The following SESN1 variants were observed in gnomAD, a reference collection of about 807,000 sequenced individuals.
The protein encoded by SESN1 is sestrin 1.
SESN1 carries 30 observed loss-of-function variants against 59.3 expected under a neutral mutation model. That is an observed-to-expected ratio of 0.51 (90% CI 0.38 to 0.69). The LOEUF (loss-of-function observed/expected upper bound fraction) is 0.69, where lower values mean the gene tolerates loss of function less well. Among genes scored for constraint, SESN1 ranks in the 30% least tolerant of loss-of-function variants. The pLI is 0.00. For missense variants in SESN1, 566 were observed against 673.0 expected, an observed-to-expected ratio of 0.84 and a Z score of 1.76; for synonymous variants, 197 against 219.9, an observed-to-expected ratio of 0.90 and a Z score of 0.92.
chr6:108,995,305 T>C (rs1315676851), intron 5 of SESN1, among the ~76,000 whole-genome samples: 1 of 152,238 alleles, frequency 6.6e-6, no homozygotes, highest in Non-Finnish European at 1.5e-5. Flanking sequence ...TTGCATCAAC[T>C]GTGTACACTG....
At chr6:109,082,457 T>C (rs1236193920) in intron 1 of SESN1, among the ~76,000 whole-genome samples, 1 of 152,224 alleles carries the variant, frequency 6.6e-6, no homozygotes, top group African/African-American at 2.4e-5. Context: ...GAGCAGGACT[T>C]AAACCCGGTC....
chr6:109,050,401 A>G (rs1489933678), intron 1 of SESN1, among the ~76,000 whole-genome samples: 1 of 152,116 alleles, frequency 6.6e-6, no homozygotes, highest in Non-Finnish European at 1.5e-5. Flanking sequence ...AAAAAAAAAA[A>G]AAAAGTCATT....
chr6:109,090,707 T>C (rs1485740637), intron 1 of SESN1: 1 of 151,778 alleles, frequency 6.6e-6, no homozygotes, highest in Admixed American at 6.6e-5. Flanking sequence ...ATCTCAGGGG[T>C]GATAGAGGTG....
At chr6:109,012,483 G>A (rs1779875474) in intron 1 of SESN1, among the ~76,000 whole-genome samples, 1 of 152,146 alleles carries the variant, frequency 6.6e-6, no homozygotes, top group Non-Finnish European at 1.5e-5. Flanking sequence ...TGAAGAGCAA[G>A]CTGATAATCT....
rs1461443399 is a variant in SESN1, at chr6:109,083,038, A to G, written c.279+10757T>C. On this transcript the variant is annotated intron_variant, in intron 1 of 9. Transcript: ENST00000436639. ...ATGAAGTATTATTATTATTTTACAG[A>G]TAAGTAAACAAAGGTTCAAAGAGTT... Among the ~76,000 whole-genome samples, 4 of 152,238 alleles carry G rather than the reference A, an allele frequency of 2.6e-5. No homozygotes were observed. The East Asian group carries it at 7.7e-4, about 29-fold the overall frequency.
At position 109,041,607 on chromosome 6, in the gene SESN1, G is replaced by T. The variant is rs148064430; in HGVS notation, c.280-39264C>A. Among the ~76,000 whole-genome samples the T allele has an allele frequency of 7.7e-3, 1,162 of 151,808 alleles. 22 individuals are homozygous for T. Among genetic ancestry groups the T allele is most frequent in the African/African-American group, 0.027 (1,108 of 41,380 alleles). On this transcript the variant is annotated intron_variant, in intron 1 of 9. Transcript: ENST00000436639. ...AAGAAAATTACCAGAGACAAGGAGG[G>T]ACATTATATATCATGATAAAAAGTT...
chr6:109,061,984 G>C (rs1332506995), intron 1 of SESN1, among the ~76,000 whole-genome samples: 1 of 152,182 alleles, frequency 6.6e-6, no homozygotes, highest in Non-Finnish European at 1.5e-5. Flanking sequence ...ATGGTGCTCT[G>C]AGGAATAATG....
intron 1 of SESN1, among the ~76,000 whole-genome samples, chr6:109,038,929 A>G (rs560465801): frequency 6.9e-5 from 10 of 145,800 alleles, no homozygotes; most frequent in Non-Finnish European, 1.3e-4. Context: ...GGAGGAGGAG[A>G]AGAAAAGAGA....
rs544980225 is a variant in SESN1 at position 109,044,213 on chromosome 6, G to A, written c.280-41870C>T. Among the ~76,000 whole-genome samples, 20 of 148,738 alleles carry A rather than the reference G, an allele frequency of 1.3e-4. No individual in the cohort carries two copies. In the South Asian group the frequency reaches 4.1e-3, roughly 30 times the overall value. Reference sequence around the variant, plus strand: ...GCCGGTGATCCCAGCTACTTGGGAGGCTAAGACAGGAGGGCTGTCTGAGCC... The same window carrying A: ...GCCGGTGATCCCAGCTACTTGGGAGACTAAGACAGGAGGGCTGTCTGAGCC... On this transcript the variant is annotated intron_variant, in intron 1 of 9. Transcript: ENST00000436639.
intron 8 of SESN1, among the ~76,000 whole-genome samples, chr6:108,990,155 A>T (rs1779338833): frequency 6.6e-6 from 1 of 152,248 alleles, no homozygotes; most frequent in Non-Finnish European, 1.5e-5. Flanking sequence ...TCAATGTAAC[A>T]TAGTAACATG....
intron 6 of SESN1, among the ~76,000 whole-genome samples, chr6:108,994,140 TAAAAA>T (rs764125940): frequency 1.0e-5 from 1 of 100,264 alleles, no homozygotes; most frequent in Non-Finnish European, 2.0e-5. Context: ...CCCTGTTTCT[TAAAAA>T]AAAAAAAAAA....
chr6:109,092,627 CACA>C (rs1476805118), intron 1 of SESN1, among the ~76,000 whole-genome samples: 5 of 152,254 alleles, frequency 3.3e-5, no homozygotes, highest in African/African-American at 7.2e-5. Context: ...CCCTTTGCTG[CACA>C]ACAATAGTTG....
intron 1 of SESN1, among the ~76,000 whole-genome samples, chr6:109,003,107 C>T (rs1485428091): frequency 6.6e-6 from 1 of 151,688 alleles, no homozygotes; most frequent in Non-Finnish European, 1.5e-5. Context: ...GTTTCCTTTC[C>T]CTCCCTCACC....
At chr6:108,989,476 T>TA in intron 8 of SESN1, among the ~76,000 whole-genome samples, 1 of 142,320 alleles carries the variant, frequency 7.0e-6, no homozygotes, top group South Asian at 2.2e-4. Flanking sequence ...TAGAAATATC[T>TA]GTATATATAT....
intron 5 of SESN1, among the ~76,000 whole-genome samples, chr6:108,996,772 C>G (rs1038731895): frequency 6.6e-6 from 1 of 152,086 alleles, no homozygotes; most frequent in African/African-American, 2.4e-5. Context: ...AATACACCAA[C>G]ACTTAGAAGC....
intron 1 of SESN1, among the ~76,000 whole-genome samples, chr6:109,007,588 G>T (rs1779759285): frequency 6.6e-6 from 1 of 152,124 alleles, no homozygotes; most frequent in African/African-American, 2.4e-5. Context: ...AAAAGTGAAA[G>T]TTCCCATCCC....
intron 1 of SESN1, among the ~76,000 whole-genome samples, chr6:109,057,405 C>T (rs955042549): frequency 5.9e-5 from 9 of 152,114 alleles, no homozygotes; most frequent in Non-Finnish European, 1.2e-4. Flanking sequence ...AACATCACAC[C>T]GGCTCTGGAC....
At chr6:108,999,614 A>G (rs1779573405) in intron 4 of SESN1, among the ~76,000 whole-genome samples, 1 of 152,186 alleles carries the variant, frequency 6.6e-6, no homozygotes, top group Non-Finnish European at 1.5e-5. Context: ...TGAAATCCAA[A>G]ACACTGACAC....
At chr6:109,030,698 T>C (rs1215142087) in intron 1 of SESN1, among the ~76,000 whole-genome samples, 1 of 152,234 alleles carries the variant, frequency 6.6e-6, no homozygotes, top group Admixed American at 6.5e-5. Flanking sequence ...GAAATGATTA[T>C]GGTTCTACCT....
Sources: gnomAD v4.1 joint callset for allele counts (sites outside exome capture counted in the v4.1 genomes callset) on GRCh38, gnomAD v4.1.1 for gene constraint, MANE v1.5 for transcripts, NCBI Gene and HGNC (gene_info 2026-07-23, HGNC 2026-07-21) for gene names.